PTN: variants seen among roughly 807,000 people sequenced by gnomAD.
PTN encodes the protein heparin affin regulatory protein.
A neutral mutation model predicts 24.1 loss-of-function variants in PTN; 18 were observed. The ratio of observed to expected loss-of-function variants is 0.75; its 90% CI spans 0.52 to 1.11. The LOEUF is 1.11. PTN is among the 50% of genes least tolerant of loss of function. The pLI is 0.00. For missense variants in PTN, 163 were observed against 198.8 expected, an observed-to-expected ratio of 0.82 and a Z score of 1.08; for synonymous variants, 78 against 68.6, an observed-to-expected ratio of 1.14 and a Z score of -0.67.
chr7:137,239,409 T>TATTA (rs1808583530), intron 4 of PTN, among the ~76,000 whole-genome samples: 1 of 144,858 alleles, frequency 6.9e-6, no homozygotes, highest in Admixed American at 7.0e-5. Context: ...TTTATTTATT[T>TATTA]ATTATTATAC....
chr7:137,237,935 C>T (rs1240970419), intron 4 of PTN, among the ~76,000 whole-genome samples: 2 of 152,220 alleles, frequency 1.3e-5, no homozygotes, highest in Non-Finnish European at 2.9e-5. Context: ...GAGAAAGGAT[C>T]ATGAATGTGT....
chr7:137,328,908 T>C (rs543847932), intron 1 of PTN, among the ~76,000 whole-genome samples: 2 of 152,266 alleles, frequency 1.3e-5, no homozygotes, highest in East Asian at 3.9e-4. Flanking sequence ...TCCTGGATAC[T>C]GGCTAGAGGG....
At chr7:137,281,431 A>G (rs1809472466) in intron 1 of PTN, among the ~76,000 whole-genome samples, 1 of 152,184 alleles carries the variant, frequency 6.6e-6, no homozygotes, top group Admixed American at 6.5e-5. Context: ...AGCTCTAAGA[A>G]TGATACCTAC....
At chr7:137,268,467 T>G (rs1585021739) in intron 1 of PTN, among the ~76,000 whole-genome samples, 1 of 152,162 alleles carries the variant, frequency 6.6e-6, no homozygotes, top group Non-Finnish European at 1.5e-5. Flanking sequence ...GGTGCTCAAC[T>G]TCTGTCCCTT....
chr7:137,262,023 T>C (rs994548462), intron 1 of PTN, among the ~76,000 whole-genome samples: 2 of 147,422 alleles, frequency 1.4e-5, no homozygotes, highest in Admixed American at 6.9e-5. Flanking sequence ...GAAAAAGAGT[T>C]CTGGTTTCTA....
chr7:137,253,254 G>A (rs1808860225), intron 3 of PTN, among the ~76,000 whole-genome samples: 1 of 152,170 alleles, frequency 6.6e-6, no homozygotes, highest in South Asian at 2.1e-4. Flanking sequence ...GCGAGTAGAA[G>A]CCAGCGATGC....
chr7:137,324,322 G>T (rs1810214806), intron 1 of PTN, among the ~76,000 whole-genome samples: 1 of 149,710 alleles, frequency 6.7e-6, no homozygotes, highest in Non-Finnish European at 1.5e-5. Context: ...CTAAGCCCAG[G>T]AGTGAATTCC....
At chr7:137,316,796 G>A (rs972971695) in intron 1 of PTN, among the ~76,000 whole-genome samples, 11 of 152,154 alleles carry the variant, frequency 7.2e-5, no homozygotes, top group Non-Finnish European at 2.9e-5. Context: ...GGTTTGGTGA[G>A]CATCATAAAT....
chr7:137,233,212 G>T (rs1217225543), intron 4 of PTN, among the ~76,000 whole-genome samples: 1 of 151,874 alleles, frequency 6.6e-6, no homozygotes, highest in East Asian at 1.9e-4. Context: ...AAAAAATCAT[G>T]AAGTTTTGTT....
chr7:137,244,263 C>G (rs2128869705), intron 4 of PTN, among the ~76,000 whole-genome samples: 1 of 152,146 alleles, frequency 6.6e-6, no homozygotes, highest in African/African-American at 2.4e-5. Context: ...TCCAGGAAAG[C>G]TAAATTCCAG....
At chr7:137,324,260 T>C (rs1810213122) in intron 1 of PTN, among the ~76,000 whole-genome samples, 1 of 151,140 alleles carries the variant, frequency 6.6e-6, no homozygotes, top group Non-Finnish European at 1.5e-5. Flanking sequence ...CTGGGCACTG[T>C]GGTGTATGCC....
chr7:137,336,846 A>C (rs1425983864), intron 1 of PTN, among the ~76,000 whole-genome samples: 1 of 152,188 alleles, frequency 6.6e-6, no homozygotes, highest in Non-Finnish European at 1.5e-5. Context: ...TCAGTACTTC[A>C]CATTGATTTT....
At chr7:137,336,763 A>G (rs955008565) in intron 1 of PTN, among the ~76,000 whole-genome samples, 3 of 152,170 alleles carry the variant, frequency 2.0e-5, no homozygotes, top group African/African-American at 7.2e-5. Context: ...GAGGACTTGC[A>G]TCTGGTGCTG....
At chr7:137,228,492 C>T (rs1021565188) in intron 4 of PTN, among the ~76,000 whole-genome samples, 1 of 151,720 alleles carries the variant, frequency 6.6e-6, no homozygotes, top group South Asian at 2.1e-4. Flanking sequence ...TCTGCTTAGC[C>T]CCTCATTTCC....
At chr7:137,333,784 T>C (rs1810399665) in intron 1 of PTN, among the ~76,000 whole-genome samples, 1 of 152,102 alleles carries the variant, frequency 6.6e-6, no homozygotes, top group Non-Finnish European at 1.5e-5. Context: ...CTACCTGACT[T>C]CAAACTATAC....
chr7:137,290,936 A>G (rs1809630028), intron 1 of PTN, among the ~76,000 whole-genome samples: 1 of 152,206 alleles, frequency 6.6e-6, no homozygotes, highest in Admixed American at 6.5e-5. Context: ...ACAACGTGGA[A>G]CATTTGAAAG....
chr7:137,279,407 A>G (rs1809428431), intron 1 of PTN, among the ~76,000 whole-genome samples: 2 of 152,212 alleles, frequency 1.3e-5, no homozygotes, highest in African/African-American at 4.8e-5. Context: ...AAACTGCTGT[A>G]TTAAAATTTT....
At chr7:137,256,783 G>C (rs1808934058) in intron 1 of PTN, among the ~76,000 whole-genome samples, 2 of 150,868 alleles carry the variant, frequency 1.3e-5, no homozygotes, top group South Asian at 2.1e-4. Context: ...AATTTACAAG[G>C]AACTTAAACA....
intron 4 of PTN, among the ~76,000 whole-genome samples, chr7:137,237,983 A>G (rs1032113764): frequency 6.6e-6 from 1 of 152,226 alleles, no homozygotes; most frequent in Non-Finnish European, 1.5e-5. Flanking sequence ...TGCCGCCTGC[A>G]TGCATGAACA....
Sources: allele counts gnomAD v4.1 joint callset (sites outside exome capture counted in the v4.1 genomes callset), GRCh38; gene constraint gnomAD v4.1.1; transcripts MANE v1.5; gene names NCBI Gene and HGNC (gene_info 2026-07-23, HGNC 2026-07-21).